AHI1: variants seen among roughly 807,000 people sequenced by gnomAD.
AHI1 encodes Abelson helper integration site 1.
A neutral mutation model predicts 149.3 loss-of-function variants in AHI1; 123 were observed. The observed-to-expected ratio is 0.82, with a 90% CI of 0.71 to 0.96. The LOEUF (loss-of-function observed/expected upper bound fraction) is 0.96. AHI1 is among the 40% of genes least tolerant of loss of function. The pLI, the probability that AHI1 is intolerant of heterozygous loss-of-function variation, is 0.00. For synonymous variants in AHI1, 475 were observed against 459.8 expected (o/e 1.03, Z -0.42); for missense variants, 1,439 against 1,422.7 (o/e 1.01, Z -0.18).
At chr6:135,311,074 CG>C (rs1785135474) in intron 26 of AHI1, among the ~76,000 whole-genome samples, 1 of 151,724 alleles carries the variant, frequency 6.6e-6, no homozygotes, top group Non-Finnish European at 1.5e-5. Flanking sequence ...GGCTGAGGCG[CG>C]CAGATCACTT....
At chr6:135,411,881 A>G (rs1339521351) in intron 20 of AHI1, among the ~76,000 whole-genome samples, 1 of 152,192 alleles carries the variant, frequency 6.6e-6, no homozygotes, top group Non-Finnish European at 1.5e-5. Flanking sequence ...ATATTTATTC[A>G]CAAGCCTCTC....
chr6:135,442,374 G>C (rs1186266112), intron 14 of AHI1, among the ~76,000 whole-genome samples: 2 of 151,982 alleles, frequency 1.3e-5, no homozygotes, highest in Non-Finnish European at 2.9e-5. Flanking sequence ...TCTTTCATTT[G>C]ATCAATCTCA....
chr6:135,432,707 A>G (rs962107097), intron 16 of AHI1, among the ~76,000 whole-genome samples: 2 of 152,146 alleles, frequency 1.3e-5, no homozygotes, highest in African/African-American at 2.4e-5. Context: ...TTTCCCTTCT[A>G]TATGTTTGCA....
At chr6:135,285,782 A>C in intron 28 of AHI1, 135 bp from the exon 29 acceptor site, 1 of 715,950 alleles carries the variant, frequency 1.4e-6, no homozygotes, top group Non-Finnish European at 2.3e-6. Flanking sequence ...ATACAAACAC[A>C]ACTAAAAAAG....
chr6:135,373,949 G>A (rs779505146), intron 23 of AHI1, among the ~76,000 whole-genome samples: 28 of 151,606 alleles, frequency 1.8e-4, no homozygotes, highest in African/African-American at 3.4e-4. Context: ...GGCAATCCCC[G>A]GGGATCTTTC....
chr6:135,363,403 T>C (rs1226829658), intron 23 of AHI1, among the ~76,000 whole-genome samples: 2 of 152,104 alleles, frequency 1.3e-5, no homozygotes, highest in Non-Finnish European at 2.9e-5. Context: ...GGCAGAAGAA[T>C]TTTTCTTAGT....
At chr6:135,379,290 C>T (rs533863191) in intron 23 of AHI1, among the ~76,000 whole-genome samples, 37 of 152,222 alleles carry the variant, frequency 2.4e-4, no homozygotes, top group African/African-American at 8.9e-4. Flanking sequence ...GCCTCTGGCA[C>T]CCTCAAATTC....
rs148098431 is a variant in AHI1 at position 135,481,135 on chromosome 6, T to C, written c.135+9488A>G. 8.5e-5 allele frequency among the ~76,000 whole-genome samples: 13 copies of C among 152,330 alleles called. No homozygotes were observed. In the East Asian group the frequency reaches 2.5e-3, roughly 29 times the overall value. On this transcript the variant is annotated intron_variant, in intron 5 of 28. Coordinates refer to ENST00000265602, the MANE Select transcript of AHI1 (RefSeq NM_001134831.2). Reference sequence around the variant, plus strand: ...CACATTCAGCCCCCTTGGCATATGATGCTCTGCACTGCCTTGGGACTGTAG... The same window carrying C: ...CACATTCAGCCCCCTTGGCATATGACGCTCTGCACTGCCTTGGGACTGTAG...
intron 5 of AHI1, among the ~76,000 whole-genome samples, chr6:135,486,672 T>C (rs1385124085): frequency 1.3e-5 from 2 of 152,188 alleles, no homozygotes; most frequent in Non-Finnish European, 2.9e-5. Context: ...CATAGACAAC[T>C]GTCTATATTT....
chr6:135,489,931 G>T, intron 5 of AHI1: 1 of 326,676 alleles, frequency 3.1e-6, no homozygotes, highest in Non-Finnish European at 5.5e-6. Context: ...ATTTACACAA[G>T]AGCCTGTTTA....
intron 24 of AHI1, among the ~76,000 whole-genome samples, chr6:135,351,144 CAA>C (rs112077817): frequency 3.4e-5 from 4 of 116,238 alleles, no homozygotes; most frequent in African/African-American, 4.3e-5. Context: ...ACAAAAAAAA[CAA>C]AAAAAAAAAA....
intron 23 of AHI1, among the ~76,000 whole-genome samples, chr6:135,367,791 C>T (rs1232353529): frequency 6.6e-6 from 1 of 152,026 alleles, no homozygotes; most frequent in East Asian, 1.9e-4. Context: ...TTGGTATTCA[C>T]CTTTCTCTGG....
intron 14 of AHI1, among the ~76,000 whole-genome samples, chr6:135,440,730 G>A (rs1012506509): frequency 1.3e-5 from 2 of 152,004 alleles, no homozygotes. Context: ...GTCTGACCAC[G>A]AACTTAACCG....
intron 22 of AHI1, among the ~76,000 whole-genome samples, chr6:135,402,170 G>A (rs1215217569): frequency 6.6e-6 from 1 of 152,146 alleles, no homozygotes; most frequent in African/African-American, 2.4e-5. Flanking sequence ...GAGAATACAA[G>A]TGTTGGTGAG....
chr6:135,434,817 AT>A (rs1397662953), intron 15 of AHI1, among the ~76,000 whole-genome samples: 2 of 152,164 alleles, frequency 1.3e-5, no homozygotes, highest in Non-Finnish European at 2.9e-5. Context: ...AAGTTAAGCC[AT>A]ATGTTTGAGA....
chr6:135,482,690 G>T (rs767840507), intron 5 of AHI1, among the ~76,000 whole-genome samples: 1 of 151,392 alleles, frequency 6.6e-6, no homozygotes, highest in Non-Finnish European at 1.5e-5. Flanking sequence ...CTCTCCTAGA[G>T]TCTGTTTCTA....
chr6:135,436,132 A>G (rs1785365812), intron 15 of AHI1, among the ~76,000 whole-genome samples: 1 of 152,224 alleles, frequency 6.6e-6, no homozygotes, highest in African/African-American at 2.4e-5. Context: ...CATATCAGCA[A>G]GAGTCAAAGC....
intron 4 of AHI1, 60 bp downstream of exon 4, chr6:135,492,168 A>G: frequency 7.4e-7 from 1 of 1,345,016 alleles, no homozygotes; most frequent in Non-Finnish European, 1.0e-6. Flanking sequence ...AAAATAAACC[A>G]AACTTAAAAG....
At chr6:135,383,463 C>G (rs1358193502) in intron 23 of AHI1, among the ~76,000 whole-genome samples, 2 of 77,122 alleles carry the variant, frequency 2.6e-5, no homozygotes, top group Non-Finnish European at 4.4e-5. Context: ...TCATGAACTC[C>G]TAGGCTCAAG....
Sources: allele counts gnomAD v4.1 joint callset (sites outside exome capture counted in the v4.1 genomes callset), GRCh38; gene constraint gnomAD v4.1.1; transcripts MANE v1.5; gene names NCBI Gene and HGNC (gene_info 2026-07-23, HGNC 2026-07-21).